The following RGS7 variants were observed in gnomAD, a reference collection of about 807,000 sequenced individuals.
The protein encoded by RGS7 is regulator of G-protein signaling 7.
A neutral mutation model predicts 81.1 loss-of-function variants in RGS7; 27 were observed. The observed-to-expected ratio is 0.33, with a 90% CI of 0.25 to 0.46. The LOEUF (loss-of-function observed/expected upper bound fraction) is 0.46, where lower values mean the gene tolerates loss of function less well. RGS7 is among the 20% of genes least tolerant of loss of function. The probability of loss-of-function intolerance (pLI) is 1.00; values close to 1 mark genes in which losing one functional copy is unlikely to be tolerated. For synonymous variants in RGS7, 208 were observed against 207.7 expected, an observed-to-expected ratio of 1.00 and a Z score of -0.01; for missense variants, 396 against 607.4, an observed-to-expected ratio of 0.65 and a Z score of 3.66.
At chr1:241,275,621 T>C (rs2078153908) in intron 2 of RGS7, among the ~76,000 whole-genome samples, 1 of 152,040 alleles carries the variant, frequency 6.6e-6, no homozygotes, top group African/African-American at 2.4e-5. Context: ...AAAACAGGAG[T>C]TAAGGGCAGG....
chr1:241,251,171 A>G (rs1471821429), intron 2 of RGS7, among the ~76,000 whole-genome samples: 3 of 152,252 alleles, frequency 2.0e-5, no homozygotes, highest in African/African-American at 7.2e-5. Flanking sequence ...TACTGAGAAA[A>G]TACTACCAGT....
intron 2 of RGS7, among the ~76,000 whole-genome samples, chr1:241,126,130 ATATT>A (rs55756762): frequency 4.6e-5 from 7 of 151,136 alleles, no homozygotes; most frequent in African/African-American, 1.2e-4. Flanking sequence ...TTTCCCATTT[ATATT>A]TATTTATTTA....
intron 3 of RGS7, among the ~76,000 whole-genome samples, chr1:240,999,627 G>A (rs1203152010): frequency 2.0e-5 from 3 of 152,012 alleles, no homozygotes; most frequent in Non-Finnish European, 2.9e-5. Flanking sequence ...TTAATACAGC[G>A]TCTCACTCTG....
At chr1:240,882,702 G>A (rs1276670745) in intron 6 of RGS7, among the ~76,000 whole-genome samples, 1 of 152,030 alleles carries the variant, frequency 6.6e-6, no homozygotes, top group African/African-American at 2.4e-5. Flanking sequence ...TTTTCTTGGG[G>A]TCCATTTTTT....
At chr1:240,815,561 C>G (rs1690668399) in intron 11 of RGS7, among the ~76,000 whole-genome samples, 1 of 152,132 alleles carries the variant, frequency 6.6e-6, no homozygotes, top group Non-Finnish European at 1.5e-5. Flanking sequence ...GGAATAATCA[C>G]ACACAGAAAA....
At chr1:241,112,322 A>G (rs1460001838) in intron 2 of RGS7, among the ~76,000 whole-genome samples, 1 of 152,166 alleles carries the variant, frequency 6.6e-6, no homozygotes, top group African/African-American at 2.4e-5. Flanking sequence ...TTCTTCCAAG[A>G]GTAATTAAAG....
At chr1:241,275,512 C>T (rs2148369664) in intron 2 of RGS7, among the ~76,000 whole-genome samples, 1 of 152,258 alleles carries the variant, frequency 6.6e-6, no homozygotes, top group South Asian at 2.1e-4. Flanking sequence ...CTTTAGAATC[C>T]TCTATGGTAG....
chr1:240,905,794 G>A (rs751451960), intron 6 of RGS7, among the ~76,000 whole-genome samples: 3 of 152,172 alleles, frequency 2.0e-5, no homozygotes, highest in Admixed American at 6.5e-5. Flanking sequence ...GACTCTACCT[G>A]TTTCCTCTCC....
intron 3 of RGS7, among the ~76,000 whole-genome samples, chr1:241,003,982 C>T (rs1439667791): frequency 1.3e-5 from 2 of 152,084 alleles, no homozygotes; most frequent in Non-Finnish European, 2.9e-5. Context: ...TCCCAAAGTG[C>T]TAGGATTACA....
chr1:240,933,582 G>GT (rs1007245106), intron 5 of RGS7, among the ~76,000 whole-genome samples: 27 of 151,572 alleles, frequency 1.8e-4, no homozygotes, highest in South Asian at 6.2e-4. Flanking sequence ...AACTCTTACA[G>GT]TTTTTTTTGG....
intron 4 of RGS7, among the ~76,000 whole-genome samples, chr1:240,962,904 A>C (rs969164582): frequency 1.3e-5 from 2 of 152,238 alleles, no homozygotes; most frequent in African/African-American, 4.8e-5. Flanking sequence ...ATATGGCTAT[A>C]TCAAAAAGGG....
chr1:241,341,926 G>A (rs2082579710), intron 2 of RGS7, among the ~76,000 whole-genome samples: 1 of 145,268 alleles, frequency 6.9e-6, no homozygotes, highest in Non-Finnish European at 1.5e-5. Context: ...CCAGGCTGGA[G>A]TGCAGTGGTG....
At chr1:240,827,253 C>T in intron 9 of RGS7, 81 bp from the exon 10 acceptor site, 1 of 1,125,770 alleles carries the variant, frequency 8.9e-7, no homozygotes, top group Non-Finnish European at 1.4e-6. Context: ...GGCTCGCTCT[C>T]CAGAGCCCGA....
intron 2 of RGS7, among the ~76,000 whole-genome samples, chr1:241,174,852 A>G (rs1288967447): frequency 6.6e-6 from 1 of 151,568 alleles, no homozygotes; most frequent in African/African-American, 2.4e-5. Context: ...TCAGAAGCGA[A>G]AATGTTTTCT....
intron 2 of RGS7, among the ~76,000 whole-genome samples, chr1:241,138,832 AT>A (rs1335665234): frequency 6.6e-5 from 10 of 152,116 alleles, no homozygotes; most frequent in African/African-American, 2.4e-4. Context: ...TTTTTAAAAA[AT>A]ATAACAAATC....
At chr1:241,131,078 C>T (rs1033465559) in intron 2 of RGS7, among the ~76,000 whole-genome samples, 3 of 151,722 alleles carry the variant, frequency 2.0e-5, no homozygotes, top group Admixed American at 1.3e-4. Flanking sequence ...GTCTTTATGC[C>T]GATGACATGA....
chr1:241,311,518 G>A (rs977587802), intron 2 of RGS7, among the ~76,000 whole-genome samples: 1 of 152,208 alleles, frequency 6.6e-6, no homozygotes, highest in Non-Finnish European at 1.5e-5. Context: ...GAAAGTGGTA[G>A]AAAGAGGATT....
chr1:241,114,503 A>C (rs2065757047), intron 2 of RGS7, among the ~76,000 whole-genome samples: 2 of 152,190 alleles, frequency 1.3e-5, no homozygotes, highest in South Asian at 4.1e-4. Context: ...CATTAAAAAA[A>C]AAATTCATGT....
At position 240,823,035 on chromosome 1, in the gene RGS7, TG is replaced by T. The variant is rs1692092057; in HGVS notation, c.684+4062del. On this transcript the variant is annotated intron_variant, in intron 10 of 18. Transcript: ENST00000440928. ...AAATTGTCTTGAGTTTCAAATGTTC[TG>T]GTAAATCTAGTCGTTTCTTAGCCTC... is the stretch of plus-strand genomic sequence containing the variant. The T allele has an allele frequency of 1.2e-5, 7 of 598,836 alleles. No homozygotes were observed. In the South Asian group the frequency reaches 1.3e-4, roughly 11 times the overall value. The allele number at this position is 598,836 out of a possible 1,614,324, so 37.1% of individuals were successfully genotyped here.
Sources: gnomAD v4.1 joint callset for allele counts (sites outside exome capture counted in the v4.1 genomes callset) on GRCh38, gnomAD v4.1.1 for gene constraint, MANE v1.5 for transcripts, NCBI Gene and HGNC (gene_info 2026-07-23, HGNC 2026-07-21) for gene names.